ITPR1: variants seen among roughly 807,000 people sequenced by gnomAD.
ITPR1 encodes inositol 1,4,5-trisphosphate receptor type 1.
ITPR1 carries 96 observed loss-of-function variants against 318.4 expected under a neutral mutation model. The ratio of observed to expected loss-of-function variants is 0.30; its 90% CI spans 0.26 to 0.36. ITPR1 has a LOEUF of 0.36. ITPR1 is among the 10% of genes least tolerant of loss of function. The pLI is 1.00. For missense variants in ITPR1, 2,440 were observed against 3,460.2 expected (o/e 0.71, Z 7.40); for synonymous variants, 1,312 against 1,289.9 (o/e 1.02, Z -0.37).
chr3:4,543,226 C>T (rs1030958474), intron 4 of ITPR1, among the ~76,000 whole-genome samples: 3 of 149,626 alleles, frequency 2.0e-5, no homozygotes, highest in Non-Finnish European at 4.4e-5. Context: ...TGTGTCACTG[C>T]ACTGCAGCCT....
At chr3:4,522,244 A>C (rs2082625274) in intron 4 of ITPR1, among the ~76,000 whole-genome samples, 2 of 152,196 alleles carry the variant, frequency 1.3e-5, no homozygotes, top group Admixed American at 1.3e-4. Context: ...CTTTACAGCC[A>C]GGGCGGAAAA....
chr3:4,528,445 G>A lies in ITPR1; in HGVS notation c.163+7351G>A, dbSNP rs140715546. Among the ~76,000 whole-genome samples, 61 of 152,220 alleles carry A rather than the reference G, an allele frequency of 4.0e-4. 1 individual carries two copies. The East Asian group carries it at 6.4e-3, about 16-fold the overall frequency. ...CTAGGGTGGCTATAACAAACTCACC[G>A]GCTTAGCTTTCTTTCAAACGACCCT... On this transcript the variant is annotated intron_variant, in intron 4 of 61. Transcript: ENST00000649015.
At chr3:4,627,703 C>A in intron 4 of ITPR1, 60 bp from the exon 5 acceptor site, 2 of 959,368 alleles carry the variant, frequency 2.1e-6, no homozygotes, top group South Asian at 1.4e-5. Flanking sequence ...TTTTTTTTTC[C>A]TTAGGCTGAG....
intron 44 of ITPR1, among the ~76,000 whole-genome samples, chr3:4,740,450 C>G (rs971704981): frequency 6.6e-6 from 1 of 152,194 alleles, no homozygotes; most frequent in African/African-American, 2.4e-5. Flanking sequence ...TGTCCAGACC[C>G]TAGAGGATTC....
chr3:4,563,405 A>T (rs960125629), intron 4 of ITPR1, among the ~76,000 whole-genome samples: 1 of 152,062 alleles, frequency 6.6e-6, no homozygotes, highest in Non-Finnish European at 1.5e-5. Flanking sequence ...GCTACTCAGG[A>T]GGCTGAGGTA....
chr3:4,770,683 T>C (rs1230900767), intron 46 of ITPR1, among the ~76,000 whole-genome samples: 3 of 152,136 alleles, frequency 2.0e-5, no homozygotes, highest in African/African-American at 7.2e-5. Flanking sequence ...GTTTCCTTAG[T>C]TTTCTTGTCA....
At chr3:4,599,515 G>A (rs1325350142) in intron 4 of ITPR1, among the ~76,000 whole-genome samples, 2 of 152,200 alleles carry the variant, frequency 1.3e-5, no homozygotes, top group African/African-American at 4.8e-5. Context: ...CTTTTGAGGG[G>A]AGAAGGACTT....
chr3:4,658,456 A>G (rs542239640), intron 13 of ITPR1, among the ~76,000 whole-genome samples, 178 bp downstream of exon 13: 2 of 152,044 alleles, frequency 1.3e-5, no homozygotes, highest in African/African-American at 2.4e-5. Flanking sequence ...CTCACCATTG[A>G]TAAGTTCTCA....
chr3:4,533,971 C>T (rs1220270217), intron 4 of ITPR1, among the ~76,000 whole-genome samples: 1 of 152,222 alleles, frequency 6.6e-6, no homozygotes, highest in South Asian at 2.1e-4. Flanking sequence ...CCAATCTGCT[C>T]TTTCCCAAAA....
At chr3:4,593,649 T>G (rs1175887121) in intron 4 of ITPR1, among the ~76,000 whole-genome samples, 1 of 152,190 alleles carries the variant, frequency 6.6e-6, no homozygotes, top group Non-Finnish European at 1.5e-5. Flanking sequence ...ATGCTGTTCT[T>G]TGGACATATA....
intron 4 of ITPR1, among the ~76,000 whole-genome samples, chr3:4,534,841 G>T (rs537357310): frequency 2.0e-5 from 3 of 152,164 alleles, no homozygotes; most frequent in Non-Finnish European, 2.9e-5. Context: ...TCCCAGAATC[G>T]TGGCATTTGA....
intron 4 of ITPR1, among the ~76,000 whole-genome samples, chr3:4,554,742 G>T (rs926900427): frequency 3.3e-5 from 5 of 152,260 alleles, no homozygotes; most frequent in Middle Eastern, 3.4e-3. Context: ...TGGTCATTGG[G>T]TGGAGGATGA....
chr3:4,629,872 A>G (rs1404083836), intron 5 of ITPR1, among the ~76,000 whole-genome samples: 2 of 152,128 alleles, frequency 1.3e-5, no homozygotes, highest in Admixed American at 1.3e-4. Flanking sequence ...TGGGATTTAG[A>G]GGGTAGAAGA....
In ITPR1 at chr3:4,815,039, C is replaced by G. The variant is rs761519768; in HGVS notation, c.7702-14C>G. 2 of 1,602,122 alleles carry G rather than the reference C, an allele frequency of 1.2e-6. No individual in the cohort carries two copies. The highest frequency in any genetic ancestry group is 1.7e-6 in the Non-Finnish European group (2 of 1,172,904). ...CAAGGGACCCAGACTGATCCAGACA[C>G]CTCTCTTTTCCAGGAACCCCTGTTT... On this transcript the variant is annotated splice_polypyrimidine_tract_variant and intron_variant, in intron 58 of 61. Coordinates refer to ENST00000649015, the MANE Select transcript of ITPR1 (RefSeq NM_001378452.1).
intron 40 of ITPR1, among the ~76,000 whole-genome samples, chr3:4,722,987 A>G (rs1362634993): frequency 2.0e-5 from 3 of 152,140 alleles, no homozygotes; most frequent in Admixed American, 1.3e-4. Flanking sequence ...TGTCTCTACT[A>G]AAAATACAAA....
At chr3:4,622,445 G>C (rs148537431) in intron 4 of ITPR1, among the ~76,000 whole-genome samples, 238 of 150,152 alleles carry the variant, frequency 1.6e-3, no homozygotes, top group African/African-American at 5.6e-3. Context: ...TTTATTTTGA[G>C]ATGGAGTCTT....
At chr3:4,640,713 G>A (rs572778791) in intron 6 of ITPR1, among the ~76,000 whole-genome samples, 2 of 152,362 alleles carry the variant, frequency 1.3e-5, no homozygotes, top group South Asian at 4.1e-4. Flanking sequence ...CAGCAAAATG[G>A]AAATGGTAAT....
chr3:4,777,441 C>A, intron 48 of ITPR1, 67 bp downstream of exon 48: 1 of 909,668 alleles, frequency 1.1e-6, no homozygotes, highest in Non-Finnish European at 1.8e-6. Context: ...TGCCTTGGCA[C>A]ATGCACATGG....
chr3:4,670,876 G>A lies in ITPR1; in HGVS notation c.2154G>A (p.Gln718=), dbSNP rs1433639929. ...IRSKSVRELA[Q]DAKEGQKEDR... is the part of the protein sequence containing the mutation. ...GCAAGAGTGTGAGGGAATTGGCTCA[G>A]GATGCTAAAGAAGGGCAGAAGGAGG... is the stretch of plus-strand genomic sequence containing the variant. Residue 718 remains glutamine (Q), a synonymous_variant, in exon 20 of 62, where the codon CAG becomes CAA. Coordinates refer to ENST00000649015, the MANE Select transcript of ITPR1 (RefSeq NM_001378452.1). 6.2e-7 allele frequency: 1 copy of A among 1,607,212 alleles called. No homozygotes were observed. Among genetic ancestry groups the A allele is most frequent in the African/African-American group, 1.3e-5 (1 of 74,794 alleles).
Sources: allele counts gnomAD v4.1 joint callset (sites outside exome capture counted in the v4.1 genomes callset), GRCh38; gene constraint gnomAD v4.1.1; transcripts MANE v1.5; gene names NCBI Gene and HGNC (gene_info 2026-07-23, HGNC 2026-07-21).